Variants in PPP1CB observed in about 807,000 individuals in gnomAD.
PPP1CB encodes the protein protein phosphatase 1 catalytic subunit beta.
In PPP1CB, 2 loss-of-function variants were observed where a neutral mutation model predicts 43.7. The observed-to-expected ratio is 0.05, with a 90% CI of 0.02 to 0.14. The LOEUF is 0.14. PPP1CB is among the 10% of genes least tolerant of loss of function. PPP1CB has a pLI of 1.00. For missense variants in PPP1CB, 84 were observed against 398.0 expected (o/e 0.21, Z 6.71); for synonymous variants, 136 against 135.6 (o/e 1.00, Z -0.02).
intron 1 of PPP1CB, among the ~76,000 whole-genome samples, chr2:28,755,299 C>CA (rs1380022134): frequency 6.6e-6 from 1 of 152,184 alleles, no homozygotes; most frequent in Non-Finnish European, 1.5e-5. Context: ...CTCGGCCTCC[C>CA]AAAGTGCTGG....
intron 1 of PPP1CB, among the ~76,000 whole-genome samples, chr2:28,772,904 T>G (rs1666944894): frequency 6.6e-6 from 1 of 152,222 alleles, no homozygotes; most frequent in Non-Finnish European, 1.5e-5. Context: ...AAATGACTGT[T>G]AAACACAATT....
chr2:28,775,604 T>C (rs1010588564), intron 1 of PPP1CB, among the ~76,000 whole-genome samples: 2 of 152,154 alleles, frequency 1.3e-5, no homozygotes, highest in Non-Finnish European at 2.9e-5. Context: ...CTCGAACTCC[T>C]GGCTTCAAGC....
chr2:28,794,101 T>G, intron 7 of PPP1CB, 104 bp downstream of exon 7: 2 of 939,848 alleles, frequency 2.1e-6, no homozygotes, highest in Non-Finnish European at 3.2e-6. Context: ...GTTGAAAGTC[T>G]GTTTAATTCA....
chr2:28,795,744 G>T (rs1251133283), intron 7 of PPP1CB, among the ~76,000 whole-genome samples: 1 of 152,092 alleles, frequency 6.6e-6, no homozygotes, highest in African/African-American at 2.4e-5. Context: ...TCTATAGGTT[G>T]TCTGTTTATT....
chr2:28,781,939 T>C, intron 4 of PPP1CB, 97 bp downstream of exon 4: 1 of 845,076 alleles, frequency 1.2e-6, no homozygotes, highest in Non-Finnish European at 2.0e-6. Context: ...AAAGCAGTGC[T>C]TGTATGAAAA....
intron 1 of PPP1CB, among the ~76,000 whole-genome samples, chr2:28,773,975 A>G (rs1666971701): frequency 6.6e-6 from 1 of 152,258 alleles, no homozygotes; most frequent in Non-Finnish European, 1.5e-5. Flanking sequence ...CTTCAGAGAT[A>G]TTAGTTAAGG....
chr2:28,768,417 T>G (rs902155438), intron 1 of PPP1CB, among the ~76,000 whole-genome samples: 1 of 152,174 alleles, frequency 6.6e-6, no homozygotes, highest in Non-Finnish European at 1.5e-5. Context: ...AGTCATTGAC[T>G]GACTTCAGAG....
At chr2:28,754,861 G>A (rs1408563202) in intron 1 of PPP1CB, among the ~76,000 whole-genome samples, 2 of 152,108 alleles carry the variant, frequency 1.3e-5, no homozygotes, top group African/African-American at 2.4e-5. Flanking sequence ...CTGCATTAGG[G>A]GAAAACATTC....
Position 28,759,615 on chromosome 2 carries a change from CT to C in PPP1CB, c.52+7449del, listed in dbSNP as rs553922624. On this transcript the variant is annotated intron_variant, in intron 1 of 7. Transcript: ENST00000395366. ...ATAAACAGCTATGTTATATATTTAC[CT>C]TTTTTTTTTCTTTTTTTTGAGACAG... is the stretch of plus-strand genomic sequence containing the variant. 4.9e-4 allele frequency among the ~76,000 whole-genome samples: 71 copies of C among 145,718 alleles called. 1 individual carries two copies. Among genetic ancestry groups the C allele is most frequent in the Admixed American group, 9.7e-4 (14 of 14,500 alleles).
intron 1 of PPP1CB, among the ~76,000 whole-genome samples, chr2:28,757,716 C>CT (rs1666526533): frequency 6.6e-6 from 1 of 152,136 alleles, no homozygotes; most frequent in African/African-American, 2.4e-5. Flanking sequence ...TATTTTTTAA[C>CT]TGATTCAGAG....
At position 28,768,418 on chromosome 2, in the gene PPP1CB, G is replaced by T. The variant is rs1250801889; in HGVS notation, c.53-8433G>T. Among the ~76,000 whole-genome samples the T allele has an allele frequency of 3.3e-5, 5 of 152,176 alleles. No homozygotes were observed. The East Asian group carries it at 9.6e-4, about 29-fold the overall frequency. On this transcript the variant is annotated intron_variant, in intron 1 of 7. Transcript: ENST00000395366. ...TCAGGTCCCTCTAAAGTCATTGACT[G>T]ACTTCAGAGGTACACATAAGCAAGA...
chr2:28,775,563 C>T (rs571889642), intron 1 of PPP1CB, among the ~76,000 whole-genome samples: 1 of 152,186 alleles, frequency 6.6e-6, no homozygotes, highest in South Asian at 2.1e-4. Context: ...CTTTTGTTGA[C>T]ACAGGGCCTT....
chr2:28,788,847 T>G (rs1280420021), intron 6 of PPP1CB, 38 bp downstream of exon 6: 5 of 1,542,892 alleles, frequency 3.2e-6, no homozygotes, highest in Non-Finnish European at 2.6e-6. Flanking sequence ...TTCTTTTTTC[T>G]TTCTTTTTTT....
At chr2:28,786,539 T>C in intron 5 of PPP1CB, among the ~76,000 whole-genome samples, 1 of 152,132 alleles carries the variant, frequency 6.6e-6, no homozygotes, top group African/African-American at 2.4e-5. Flanking sequence ...TCTAATTTTA[T>C]ACAGTTTTAT....
Position 28,789,031 on chromosome 2 carries a change from A to C in PPP1CB, c.744+222A>C, listed in dbSNP as rs547695869. ...TGCCACCACACCTGGACTCTTAAACATTTATTATTTGTTAACTTCACATAA... is the reference window on the plus strand; with the variant it reads ...TGCCACCACACCTGGACTCTTAAACCTTTATTATTTGTTAACTTCACATAA... On this transcript the variant is annotated intron_variant, in intron 6 of 7. Coordinates refer to ENST00000395366, the MANE Select transcript of PPP1CB (RefSeq NM_002709.3). Among the ~76,000 whole-genome samples, 19 of 152,046 alleles carry C rather than the reference A, an allele frequency of 1.2e-4. No individual in the cohort carries two copies. The South Asian group carries it at 3.7e-3, about 30-fold the overall frequency.
intron 1 of PPP1CB, among the ~76,000 whole-genome samples, chr2:28,757,675 G>C (rs1012826600): frequency 6.6e-6 from 1 of 152,184 alleles, no homozygotes; most frequent in Non-Finnish European, 1.5e-5. Context: ...TCTTCTGGAT[G>C]AGATACTAGA....
chr2:28,759,601 T>C (rs986363389), intron 1 of PPP1CB, among the ~76,000 whole-genome samples: 4 of 151,334 alleles, frequency 2.6e-5, no homozygotes, highest in African/African-American at 9.7e-5. Context: ...TAAACAGCTA[T>C]GTTATATATT....
intron 1 of PPP1CB, among the ~76,000 whole-genome samples, chr2:28,766,116 C>T (rs866865066): frequency 2.6e-5 from 4 of 151,954 alleles, no homozygotes; most frequent in African/African-American, 7.3e-5. Context: ...CTAGATCTGC[C>T]GCAAAATTTA....
chr2:28,762,001 C>A (rs190784317), intron 1 of PPP1CB, among the ~76,000 whole-genome samples: 2 of 152,090 alleles, frequency 1.3e-5, no homozygotes, highest in African/African-American at 2.4e-5. Context: ...TTTCTGTTCT[C>A]GGCCGGGCAT....
Sources: allele counts gnomAD v4.1 joint callset (sites outside exome capture counted in the v4.1 genomes callset), GRCh38; gene constraint gnomAD v4.1.1; transcripts MANE v1.5; gene names NCBI Gene and HGNC (gene_info 2026-07-23, HGNC 2026-07-21).